The following FRAS1 variants were observed in gnomAD, a reference collection of about 807,000 sequenced individuals.
FRAS1 encodes the protein Fraser extracellular matrix complex subunit 1, also known as extracellular matrix organizing protein FRAS1.
Under a neutral mutation model 435.2 loss-of-function variants are expected in FRAS1, and 290 were observed. The observed-to-expected ratio is 0.67, with a 90% confidence interval of 0.61 to 0.73. The LOEUF is 0.73. Ranked by LOEUF, FRAS1 falls within the 30% of genes least tolerant of loss-of-function variation. The pLI is 0.00. For synonymous variants in FRAS1, 1,800 were observed against 1,851.0 expected, an observed-to-expected ratio of 0.97 and a Z score of 0.71; for missense variants, 4,860 against 5,001.5, an observed-to-expected ratio of 0.97 and a Z score of 0.85.
intron 2 of FRAS1, among the ~76,000 whole-genome samples, chr4:78,182,455 A>C (rs1050598230): frequency 6.6e-6 from 1 of 152,166 alleles, no homozygotes; most frequent in East Asian, 1.9e-4. Context: ...GGTTTCCACT[A>C]TTTTCCTGGG....
Position 78,461,869 on chromosome 4 carries a change from A to G in FRAS1, c.6764-2152A>G, listed in dbSNP as rs1355658760. ...CTAGACATGAAATAGTATATACTAT[A>G]TAATTCTATTTATTAAAAAGTAGAG... On this transcript the variant is annotated intron_variant, in intron 47 of 73. Transcript: ENST00000512123. Among the ~76,000 whole-genome samples, 4 of 152,378 alleles carry G rather than the reference A, an allele frequency of 2.6e-5. No individual in the cohort carries two copies. The South Asian group carries it at 6.2e-4, about 24-fold the overall frequency.
chr4:78,317,097 G>T (rs1314749495), intron 16 of FRAS1, among the ~76,000 whole-genome samples: 1 of 152,164 alleles, frequency 6.6e-6, no homozygotes, highest in African/African-American at 2.4e-5. Context: ...ATGTTGTTAG[G>T]AAAATTAAAA....
At chr4:78,424,844 C>G (rs1022226269) in intron 35 of FRAS1, among the ~76,000 whole-genome samples, 10 of 151,832 alleles carry the variant, frequency 6.6e-5, no homozygotes, top group African/African-American at 2.4e-4. Context: ...TCAGGAGGAT[C>G]CCTTGAGCCC....
intron 70 of FRAS1, among the ~76,000 whole-genome samples, chr4:78,533,148 T>G (rs1269572136): frequency 1.3e-5 from 2 of 152,270 alleles, no homozygotes; most frequent in East Asian, 3.8e-4. Context: ...TTACCCTTTC[T>G]CTGCCTAATT....
chr4:78,434,010 G>A (rs1015842715), intron 38 of FRAS1, among the ~76,000 whole-genome samples: 1 of 152,158 alleles, frequency 6.6e-6, no homozygotes, highest in Non-Finnish European at 1.5e-5. Context: ...TAAAGACTTA[G>A]GTAGGTTATA....
rs1718984193 is a variant in FRAS1 at position 78,450,334 on chromosome 4, G to A, written c.6458G>A (p.Ser2153Asn). ...CGAAGTTTCACCCAGGCAGACATTAGCCAAGGTCAGCCAGTTCTCTTCTGC... is the reference window on the plus strand; with the variant it reads ...CGAAGTTTCACCCAGGCAGACATTAACCAAGGTCAGCCAGTTCTCTTCTGC... The part of the protein sequence containing the change: ...PIRSFTQADI[S>N]QGHVEYSHGT... The change falls in exon 45 of 74, where the codon AGC becomes AAC. Residue 2153 changes from serine (S) to asparagine (N), a missense_variant. Coordinates refer to ENST00000512123, the MANE Select transcript of FRAS1 (RefSeq NM_025074.7). The A allele has an allele frequency of 1.2e-6, 2 of 1,613,632 alleles. No individual in the cohort carries two copies. The highest frequency in any genetic ancestry group is 2.2e-5 in the South Asian group (2 of 91,082).
intron 31 of FRAS1, among the ~76,000 whole-genome samples, chr4:78,412,117 G>T (rs937779889): frequency 5.3e-5 from 8 of 152,176 alleles, no homozygotes; most frequent in Non-Finnish European, 1.2e-4. Context: ...TTTGAGACTC[G>T]ATCCCAGGCA....
chr4:78,515,459 G>A (rs11731012), intron 65 of FRAS1, among the ~76,000 whole-genome samples: 21,267 of 151,970 alleles, frequency 0.14, 1,773 homozygotes, highest in Non-Finnish European at 0.2. Flanking sequence ...TGAAGCACAG[G>A]ACCAGACTTG....
intron 20 of FRAS1, among the ~76,000 whole-genome samples, chr4:78,360,936 GA>G (rs1439610703): frequency 1.3e-5 from 2 of 152,194 alleles, no homozygotes; most frequent in African/African-American, 2.4e-5. Context: ...GCATGCTAGA[GA>G]AAGCATCTGT....
intron 20 of FRAS1, among the ~76,000 whole-genome samples, chr4:78,363,127 A>AG (rs1731139206): frequency 6.6e-6 from 1 of 152,074 alleles, no homozygotes; most frequent in African/African-American, 2.4e-5. Context: ...ATTACCGTGA[A>AG]GGGGTTGGGG....
At chr4:78,504,147 A>G (rs991901676) in intron 61 of FRAS1, among the ~76,000 whole-genome samples, 3 of 152,178 alleles carry the variant, frequency 2.0e-5, no homozygotes, top group African/African-American at 7.2e-5. Context: ...TATGTGGTCA[A>G]TTTTAGAATA....
At chr4:78,223,264 A>T (rs1198329367) in intron 2 of FRAS1, among the ~76,000 whole-genome samples, 1 of 152,076 alleles carries the variant, frequency 6.6e-6, no homozygotes, top group Non-Finnish European at 1.5e-5. Flanking sequence ...TGGGGATGGG[A>T]TCCACATCCC....
intron 2 of FRAS1, among the ~76,000 whole-genome samples, chr4:78,133,319 C>A (rs1455274264): frequency 6.7e-6 from 1 of 149,606 alleles, no homozygotes; most frequent in Non-Finnish European, 1.5e-5. Context: ...AAAATCAAAT[C>A]AAAACAATTG....
chr4:78,192,634 T>C (rs1722595849), intron 2 of FRAS1, among the ~76,000 whole-genome samples: 1 of 152,226 alleles, frequency 6.6e-6, no homozygotes, highest in African/African-American at 2.4e-5. Flanking sequence ...TTTGTCATTT[T>C]TTAGTACGCC....
At chr4:78,230,328 C>G (rs1008522769) in intron 2 of FRAS1, among the ~76,000 whole-genome samples, 3 of 152,198 alleles carry the variant, frequency 2.0e-5, no homozygotes, top group African/African-American at 7.2e-5. Flanking sequence ...GTATTTGCTC[C>G]TCCTGAAAGG....
chr4:78,294,200 G>T (rs1728039580), intron 14 of FRAS1, among the ~76,000 whole-genome samples: 1 of 152,210 alleles, frequency 6.6e-6, no homozygotes, highest in Non-Finnish European at 1.5e-5. Flanking sequence ...TGTTGTTGCT[G>T]CTGAGATCTG....
chr4:78,495,116 A>G (rs1175666392), intron 59 of FRAS1, among the ~76,000 whole-genome samples: 4 of 152,110 alleles, frequency 2.6e-5, no homozygotes, highest in African/African-American at 4.8e-5. Context: ...TGGGTTTCCA[A>G]TAAGCATATA....
Position 78,255,264 on chromosome 4 carries a change from T to C in FRAS1, c.492T>C (p.His164=). ...GLGKPCSYEG[H]VFQDGEDWRL... is the part of the protein sequence containing the mutation. ...CAGAACCCTGTTCCTATGAAGGCCATGTGTTTCAGGATGGGGAGGACTGGC... is the reference window on the plus strand; with the variant it reads ...CAGAACCCTGTTCCTATGAAGGCCACGTGTTTCAGGATGGGGAGGACTGGC... Residue 164 remains histidine (H), a synonymous_variant, in exon 6 of 74, where the codon CAT becomes CAC. Coordinates refer to ENST00000512123, the MANE Select transcript of FRAS1 (RefSeq NM_025074.7). The C allele has an allele frequency of 1.9e-6, 3 of 1,553,062 alleles. No homozygotes were observed. The highest frequency in any genetic ancestry group is 2.6e-6 in the Non-Finnish European group (3 of 1,147,550).
intron 47 of FRAS1, among the ~76,000 whole-genome samples, chr4:78,462,264 A>G (rs1353761056): frequency 6.6e-6 from 1 of 152,080 alleles, no homozygotes; most frequent in East Asian, 1.9e-4. Flanking sequence ...AATTCCAGCT[A>G]CTTGGGAGAC....
Sources: gnomAD v4.1 joint callset for allele counts (sites outside exome capture counted in the v4.1 genomes callset) on GRCh38, gnomAD v4.1.1 for gene constraint, MANE v1.5 for transcripts, NCBI Gene and HGNC (gene_info 2026-07-23, HGNC 2026-07-21) for gene names.